Variants in PIP5KL1 observed in about 807,000 individuals in gnomAD.
PIP5KL1 encodes the protein phosphatidylinositol-4-phosphate 5-kinase like 1, also known as phosphatidylinositol 4-phosphate 5-kinase-like protein 1.
Under a neutral mutation model 47.6 loss-of-function variants are expected in PIP5KL1, and 45 were observed. The observed-to-expected ratio is 0.94, with a 90% confidence interval of 0.74 to 1.21. The LOEUF is 1.21. Ranked by LOEUF, PIP5KL1 falls within the 50% of genes most tolerant of loss-of-function variation. The probability of loss-of-function intolerance (pLI) is 0.00; values close to 1 mark genes in which losing one functional copy is unlikely to be tolerated. For missense variants in PIP5KL1, 577 were observed against 547.6 expected (o/e 1.05, Z -0.54); for synonymous variants, 256 against 234.6 (o/e 1.09, Z -0.84).
At chr9:127,923,044 G>C (rs193189629) in intron 9 of PIP5KL1, among the ~76,000 whole-genome samples, 1 of 152,310 alleles carries the variant, frequency 6.6e-6, no homozygotes, top group Non-Finnish European at 1.5e-5. Context: ...AGAAGTCTCA[G>C]GGTTGTGAAG....
chr9:127,921,776 C>CG lies in PIP5KL1; in HGVS notation c.*70dup. 1 of 1,483,650 alleles carries CG rather than the reference C, an allele frequency of 6.7e-7. No individual in the cohort carries two copies. Among genetic ancestry groups the CG allele is most frequent in the Non-Finnish European group, 8.9e-7 (1 of 1,117,588 alleles). 91.9% of individuals were successfully genotyped at this position (1,483,650 alleles called of 1,614,324 possible). On this transcript the variant is annotated 3_prime_UTR_variant, in exon 10 of 10. Transcript: ENST00000388747. ...CAGGAGGAAGCGCAGGCGAGATGCC[C>CG]GGGCCCGGGGGAACCGGCGTTCCTG...
Position 127,920,897 on chromosome 9 carries a change from T to A in PIP5KL1, c.*950A>T, listed in dbSNP as rs1311244931. The A allele has an allele frequency of 2.6e-5, 4 of 152,224 alleles. No homozygotes were observed. The highest frequency in any genetic ancestry group is 5.9e-5 in the Non-Finnish European group (4 of 68,048). The allele number at this position is 152,224 out of a possible 1,614,324, so 9.4% of individuals were successfully genotyped here. A position where few individuals can be genotyped will look rare whatever the true frequency, so the allele number is the denominator to read the frequency against. On this transcript the variant is annotated 3_prime_UTR_variant, in exon 10 of 10. Coordinates refer to ENST00000388747, the MANE Select transcript of PIP5KL1 (RefSeq NM_001135219.2). ...TGTCACATGGCAGGTGCTCAACAAATATTTAATGAGTTAATGAGGTCTGTT... is the reference window on the plus strand; with the variant it reads ...TGTCACATGGCAGGTGCTCAACAAAAATTTAATGAGTTAATGAGGTCTGTT...
intron 8 of PIP5KL1, 123 bp downstream of exon 8, chr9:127,925,744 G>C: frequency 1.2e-6 from 1 of 824,490 alleles, no homozygotes; most frequent in Admixed American, 1.9e-5. Flanking sequence ...AATTACAGGC[G>C]TGAGCCACGG....
At chr9:127,924,011 A>G (rs931223431) in intron 9 of PIP5KL1, among the ~76,000 whole-genome samples, 13 of 152,360 alleles carry the variant, frequency 8.5e-5, no homozygotes, top group Admixed American at 7.8e-4. Context: ...GACGGTGCCA[A>G]TGATGATGAC....
intron 9 of PIP5KL1, among the ~76,000 whole-genome samples, chr9:127,924,346 C>T (rs924149929): frequency 2.6e-5 from 4 of 152,018 alleles, no homozygotes; most frequent in Admixed American, 1.3e-4. Flanking sequence ...AAAAATTAGC[C>T]GGGCATGCTG....
At position 127,921,580 on chromosome 9, in the gene PIP5KL1, A is replaced by G; in HGVS notation, c.*267T>C. The G allele has an allele frequency of 2.0e-6, 1 of 488,912 alleles. No homozygotes were observed. Among genetic ancestry groups the G allele is most frequent in the Admixed American group, 3.5e-5 (1 of 28,350 alleles). 30.3% of individuals were successfully genotyped at this position (488,912 alleles called of 1,614,324 possible). On this transcript the variant is annotated 3_prime_UTR_variant, in exon 10 of 10. Transcript: ENST00000388747. Reference sequence around the variant, plus strand: ...CTGAATGATCTTGATCAGTCCCTTCACCCCCTGAGCCTCCATTTCATGGTC... The same window carrying G: ...CTGAATGATCTTGATCAGTCCCTTCGCCCCCTGAGCCTCCATTTCATGGTC...
In PIP5KL1 at chr9:127,922,123, C is replaced by G; in HGVS notation, c.918-9G>C. ...GTGCCCCTTGCACAGACCTGGGGGC[C>G]GACAGGAGGGTGAAGCTGCCAGCTC... is the stretch of plus-strand genomic sequence containing the variant. On this transcript the variant is annotated splice_polypyrimidine_tract_variant and intron_variant, in intron 9 of 9. Coordinates refer to ENST00000388747, the MANE Select transcript of PIP5KL1 (RefSeq NM_001135219.2). 6.8e-7 allele frequency: 1 copy of G among 1,481,038 alleles called. No individual in the cohort carries two copies. Among genetic ancestry groups the G allele is most frequent in the Non-Finnish European group, 9.0e-7 (1 of 1,113,644 alleles). The allele number at this position is 1,481,038 out of a possible 1,614,324, so 91.7% of individuals were successfully genotyped here. A position where few individuals can be genotyped will look rare whatever the true frequency, so the allele number is the denominator to read the frequency against.
chr9:127,927,650 A>T lies in PIP5KL1; in HGVS notation c.557T>A (p.Leu186Gln), dbSNP rs1233023476. ...RHPHSLLARL[L>Q]GVHSLRVDRG... Reference sequence around the variant, plus strand: ...GAGCCCCGCCCCCAGCCAAGTACCCAGCAACCGCGCCAGCAGCGAGTGCGG... The same window carrying T: ...GAGCCCCGCCCCCAGCCAAGTACCCTGCAACCGCGCCAGCAGCGAGTGCGG... The change falls in exon 5 of 10, where the codon CTG becomes CAG. Residue 186 changes from leucine (L) to glutamine (Q), a missense_variant and splice_region_variant. Physicochemically the swap from Leu to Gln is moderately radical, Grantham distance 113. Transcript: ENST00000388747. This position sits in a 1 kb window ranked among gnomAD's most constrained non-coding sequence, Gnocchi z 5.5. 13 of 1,453,364 alleles carry T rather than the reference A, an allele frequency of 8.9e-6. No individual in the cohort carries two copies. In the South Asian group the frequency reaches 1.6e-4, roughly 18 times the overall value. The allele number at this position is 1,453,364 out of a possible 1,614,324, so 90.0% of individuals were successfully genotyped here.
chr9:127,922,719 G>GA (rs1181162962), intron 9 of PIP5KL1, among the ~76,000 whole-genome samples: 2 of 126,988 alleles, frequency 1.6e-5, no homozygotes, highest in Admixed American at 7.9e-5. Flanking sequence ...AAAGAAAAAA[G>GA]AAAAAGAAAA....
At position 127,921,785 on chromosome 9, in the gene PIP5KL1, G is replaced by A. The variant is rs1199604173; in HGVS notation, c.*62C>T. 6.0e-6 allele frequency: 9 copies of A among 1,499,798 alleles called. No homozygotes were observed. The South Asian group carries it at 8.8e-5, about 15-fold the overall frequency. The allele number at this position is 1,499,798 out of a possible 1,614,324, so 92.9% of individuals were successfully genotyped here. The stretch of plus-strand genomic sequence containing the variant: ...GCGCAGGCGAGATGCCCGGGCCCGG[G>A]GGAACCGGCGTTCCTGGCGTGAGCC... On this transcript the variant is annotated 3_prime_UTR_variant, in exon 10 of 10. Coordinates refer to ENST00000388747, the MANE Select transcript of PIP5KL1 (RefSeq NM_001135219.2).
Position 127,927,797 on chromosome 9 carries a change from C to T in PIP5KL1, c.435-25G>A, listed in dbSNP as rs922192923. ...GCTGGGGGGCAAGAGAAAGAGGTCA[C>T]TGCCCAGGCCTGGCTGGAGCGGCTC... On this transcript the variant is annotated intron_variant, in intron 4 of 9. Coordinates refer to ENST00000388747, the MANE Select transcript of PIP5KL1 (RefSeq NM_001135219.2). The surrounding 1 kb of genome is among the most constrained non-coding windows in gnomAD (Gnocchi z 5.5). 6.4e-7 allele frequency: 1 copy of T among 1,551,176 alleles called. No homozygotes were observed. Among genetic ancestry groups the T allele is most frequent in the African/African-American group, 1.4e-5 (1 of 73,152 alleles).
intron 7 of PIP5KL1, 95 bp from the exon 8 acceptor site, chr9:127,926,074 T>G (rs898684612): frequency 1.7e-5 from 13 of 773,512 alleles, no homozygotes; most frequent in Non-Finnish European, 2.7e-5. Flanking sequence ...CACTGAACTA[T>G]TACAGAGATC....
At position 127,928,111 on chromosome 9, in the gene PIP5KL1, G is replaced by T; in HGVS notation, c.388C>A (p.Leu130Met). ...CTCTTGGAGGTGCTGAGGAACTGCA[G>T]GTAGGGGCCGCCGGGGCCCAGGGCA... is the stretch of plus-strand genomic sequence containing the variant. Reference protein sequence around the residue: ...QAALGPGGPYLQFLSTSKSKA... With the variant: ...QAALGPGGPYMQFLSTSKSKA... The change falls in exon 4 of 10, where the codon CTG becomes ATG. Residue 130 changes from leucine (L) to methionine (M), a missense_variant. Physicochemically the swap from Leu to Met is conservative, Grantham distance 15 (BLOSUM62 2). Coordinates refer to ENST00000388747, the MANE Select transcript of PIP5KL1 (RefSeq NM_001135219.2). 1 of 1,569,954 alleles carries T rather than the reference G, an allele frequency of 6.4e-7. No individual in the cohort carries two copies. Among genetic ancestry groups the T allele is most frequent in the Admixed American group, 1.9e-5 (1 of 52,184 alleles).
chr9:127,927,175 G>A lies in PIP5KL1; in HGVS notation c.628C>T (p.Pro210Ser), dbSNP rs765285168. Residue 210 changes from proline to serine, a missense_variant, in exon 7 of 10, where the codon CCC (proline) becomes TCC (serine). Transcript: ENST00000388747. This position sits in a 1 kb window ranked among gnomAD's most constrained non-coding sequence, Gnocchi z 5.5. ...YFIVMQSVFY[P>S]AGRISERYDI... ...CACCTCTCGGAGATGCGGCCGGCGG[G>A]GTAGAAGACGCTCTGCATGACGATG... is the stretch of plus-strand genomic sequence containing the variant. 9.3e-6 allele frequency: 15 copies of A among 1,612,358 alleles called. No homozygotes were observed. In the South Asian group the frequency reaches 1.5e-4, roughly 17 times the overall value.
Position 127,921,761 on chromosome 9 carries a change from C to G in PIP5KL1, c.*86G>C. 2.7e-6 allele frequency: 4 copies of G among 1,459,076 alleles called. No homozygotes were observed. The highest frequency in any genetic ancestry group is 3.6e-6 in the Non-Finnish European group (4 of 1,102,092). 90.4% of individuals were successfully genotyped at this position (1,459,076 alleles called of 1,614,324 possible). On this transcript the variant is annotated 3_prime_UTR_variant, in exon 10 of 10. Coordinates refer to ENST00000388747, the MANE Select transcript of PIP5KL1 (RefSeq NM_001135219.2). Reference sequence around the variant, plus strand: ...CCCTCTGGCGACCATCAGGAGGAAGCGCAGGCGAGATGCCCGGGCCCGGGG... The same window carrying G: ...CCCTCTGGCGACCATCAGGAGGAAGGGCAGGCGAGATGCCCGGGCCCGGGG...
chr9:127,927,336 A>T lies in PIP5KL1; in HGVS notation c.560-5T>A, dbSNP rs1029875487. On this transcript the variant is annotated splice_region_variant and splice_polypyrimidine_tract_variant and intron_variant, in intron 5 of 9. Transcript: ENST00000388747. The surrounding 1 kb of genome is among the most constrained non-coding windows in gnomAD (Gnocchi z 5.5). ...CCACCCGCAGACTGTGCACTCCTGG[A>T]AGGGGAGAGGGCGCCGGATGAGGAT... The T allele has an allele frequency of 6.8e-6, 11 of 1,607,406 alleles. No homozygotes were observed. The highest frequency in any genetic ancestry group is 9.3e-6 in the Non-Finnish European group (11 of 1,178,324).
rs1264844524 is a variant in PIP5KL1, at chr9:127,928,190, G to A, written c.309C>T (p.Pro103=). The change falls in exon 4 of 10, where the codon CCC becomes CCT. Residue 103 remains proline, a synonymous_variant. Coordinates refer to ENST00000388747, the MANE Select transcript of PIP5KL1 (RefSeq NM_001135219.2). ...EGFELGTLAG[P]AFAWLRRSLG... is the part of the protein sequence containing the mutation. ...GGGAGCGGCGCAGCCAGGCAAAGGCGGGGCCGGCCAGCGTGCCCAGCTCGA... is the reference window on the plus strand; with the variant it reads ...GGGAGCGGCGCAGCCAGGCAAAGGCAGGGCCGGCCAGCGTGCCCAGCTCGA... 2 of 1,538,788 alleles carry A rather than the reference G, an allele frequency of 1.3e-6. No homozygotes were observed. The highest frequency in any genetic ancestry group is 8.7e-7 in the Non-Finnish European group (1 of 1,142,938).
At chr9:127,923,503 C>T (rs958901311) in intron 9 of PIP5KL1, among the ~76,000 whole-genome samples, 3 of 152,242 alleles carry the variant, frequency 2.0e-5, no homozygotes, top group African/African-American at 7.2e-5. Context: ...GGCCTAAGTA[C>T]CAGCTAGGGG....
At chr9:127,926,179 T>TCTCTCTTCTCTCTTTCTTTCC (rs2131638443) in intron 7 of PIP5KL1, among the ~76,000 whole-genome samples, 200 bp from the exon 8 acceptor site, 2 of 151,646 alleles carry the variant, frequency 1.3e-5, no homozygotes, top group East Asian at 3.9e-4. Context: ...TCTTTCTTTC[T>TCTCTCTTCTCTCTTTCTTTCC]CTCTCTTCTC....
Sources: allele counts gnomAD v4.1 joint callset (sites outside exome capture counted in the v4.1 genomes callset), GRCh38; gene constraint gnomAD v4.1.1; non-coding constraint Gnocchi (gnomAD v3.1); transcripts MANE v1.5; gene names NCBI Gene and HGNC (gene_info 2026-07-23, HGNC 2026-07-21).